Variants in LGR4 observed in about 807,000 individuals in gnomAD.
LGR4 encodes leucine-rich repeat-containing G protein-coupled receptor 4.
Under a neutral mutation model 84.8 loss-of-function variants are expected in LGR4, and 44 were observed. The ratio of observed to expected loss-of-function variants is 0.52; its 90% confidence interval spans 0.41 to 0.67. The LOEUF is 0.67. Among genes scored for constraint, LGR4 ranks in the 30% least tolerant of loss-of-function variants. The pLI is 0.00. For synonymous variants in LGR4, 429 were observed against 434.3 expected (o/e 0.99, Z 0.15); for missense variants, 1,032 against 1,131.4 (o/e 0.91, Z 1.26).
At chr11:27,425,309 G>A (rs1864001931) in intron 1 of LGR4, among the ~76,000 whole-genome samples, 1 of 151,004 alleles carries the variant, frequency 6.6e-6, no homozygotes, top group Non-Finnish European at 1.5e-5. Flanking sequence ...GCAGTTTATA[G>A]TTATTGTCTC....
chr11:27,390,174 TTA>T (rs140771320), intron 4 of LGR4, among the ~76,000 whole-genome samples: 2,725 of 152,256 alleles, frequency 0.018, 87 homozygotes, highest in African/African-American at 0.063. Context: ...AAAAATGGCT[TTA>T]TGTTAGCAAA....
intron 16 of LGR4, among the ~76,000 whole-genome samples, chr11:27,372,012 A>G (rs1001651311): frequency 6.6e-6 from 1 of 152,154 alleles, no homozygotes; most frequent in Admixed American, 6.5e-5. Context: ...ATACAGGCAC[A>G]TGCCACTACA....
chr11:27,389,968 T>C (rs1177984769), intron 4 of LGR4, among the ~76,000 whole-genome samples: 3 of 152,168 alleles, frequency 2.0e-5, no homozygotes, highest in Admixed American at 1.3e-4. Context: ...AAATTAAACT[T>C]TCATTTCAAC....
chr11:27,464,691 C>A (rs983895944), intron 1 of LGR4, among the ~76,000 whole-genome samples: 2 of 152,054 alleles, frequency 1.3e-5, no homozygotes, highest in South Asian at 2.1e-4. Flanking sequence ...TATCTCCCTG[C>A]CAAATTTATG....
intron 1 of LGR4, among the ~76,000 whole-genome samples, chr11:27,442,585 C>T (rs535272143): frequency 2.0e-5 from 3 of 152,256 alleles, no homozygotes; most frequent in Non-Finnish European, 2.9e-5. Context: ...TTGTCAACAA[C>T]AACGACAACA....
chr11:27,396,403 C>T (rs570927534), intron 2 of LGR4, among the ~76,000 whole-genome samples: 26 of 152,306 alleles, frequency 1.7e-4, no homozygotes, highest in African/African-American at 4.3e-4. Context: ...GCCATCCTTC[C>T]CATAGCCAAA....
chr11:27,425,558 A>G (rs1387841585), intron 1 of LGR4, among the ~76,000 whole-genome samples: 1 of 151,946 alleles, frequency 6.6e-6, no homozygotes, highest in Non-Finnish European at 1.5e-5. Flanking sequence ...TCTTGGCCTC[A>G]GCGAAGATCC....
intron 1 of LGR4, among the ~76,000 whole-genome samples, chr11:27,469,219 G>A (rs939684837): frequency 2.0e-5 from 3 of 152,170 alleles, no homozygotes; most frequent in East Asian, 1.9e-4. Context: ...CACATCTGAC[G>A]CTGTCCCCAG....
chr11:27,380,672 T>G lies in LGR4; in HGVS notation c.870A>C (p.Ser290=), dbSNP rs757173467. 1 of 1,603,690 alleles carries G rather than the reference T, an allele frequency of 6.2e-7. No homozygotes were observed. Among genetic ancestry groups the G allele is most frequent in the Non-Finnish European group, 8.5e-7 (1 of 1,172,082 alleles). ...GAAGATCAGATAAATTGTGAAATGC[T>G]GAGTTCCCCACAAAAGACAGAGGAT... is the stretch of plus-strand genomic sequence containing the variant. ...YDNPLSFVGN[S]AFHNLSDLHS... The change falls in exon 9 of 18, where the codon TCA becomes TCC. Residue 290 remains serine, a synonymous_variant. Transcript: ENST00000379214.
chr11:27,453,769 G>C (rs1388962329), intron 1 of LGR4, among the ~76,000 whole-genome samples: 1 of 152,152 alleles, frequency 6.6e-6, no homozygotes, highest in Non-Finnish European at 1.5e-5. Flanking sequence ...TTTTAAAGTT[G>C]AAAGAGTACT....
chr11:27,420,787 C>G (rs922697311), intron 1 of LGR4, among the ~76,000 whole-genome samples: 1 of 151,922 alleles, frequency 6.6e-6, no homozygotes, highest in South Asian at 2.1e-4. Flanking sequence ...GTGGAGGGCG[C>G]CTTCTTGTCA....
intron 1 of LGR4, among the ~76,000 whole-genome samples, chr11:27,420,195 C>G (rs1287608762): frequency 6.6e-6 from 1 of 152,112 alleles, no homozygotes; most frequent in Non-Finnish European, 1.5e-5. Context: ...AGCCATTCTC[C>G]AAGTCCTACT....
At chr11:27,416,742 C>T (rs1863827405) in intron 1 of LGR4, among the ~76,000 whole-genome samples, 1 of 152,100 alleles carries the variant, frequency 6.6e-6, no homozygotes, top group South Asian at 2.1e-4. Context: ...ACATCACCTT[C>T]CTAGAAAAAT....
At chr11:27,435,028 T>C (rs530698398) in intron 1 of LGR4, among the ~76,000 whole-genome samples, 1 of 152,282 alleles carries the variant, frequency 6.6e-6, no homozygotes, top group East Asian at 1.9e-4. Flanking sequence ...ATGACCTTCC[T>C]GACGAGCTAC....
intron 1 of LGR4, among the ~76,000 whole-genome samples, chr11:27,421,040 A>G (rs1863915722): frequency 2.0e-5 from 3 of 152,328 alleles, no homozygotes; most frequent in African/African-American, 7.2e-5. Flanking sequence ...TTATTCTAAA[A>G]GTGTGGAAAG....
At position 27,367,858 on chromosome 11, in the gene LGR4, C is replaced by A; in HGVS notation, c.*9G>T. ...GGTTGACGGGGGAAACGGTTACACA[C>A]ACAGTAGTTCAGTCTTTAACTCTTG... is the stretch of plus-strand genomic sequence containing the variant. On this transcript the variant is annotated 3_prime_UTR_variant, in exon 18 of 18. Transcript: ENST00000379214. 6.4e-7 allele frequency: 1 copy of A among 1,562,918 alleles called. No individual in the cohort carries two copies. Among genetic ancestry groups the A allele is most frequent in the Non-Finnish European group, 8.6e-7 (1 of 1,159,664 alleles).
intron 1 of LGR4, among the ~76,000 whole-genome samples, chr11:27,433,883 T>C (rs1366882440): frequency 6.6e-6 from 1 of 152,296 alleles, no homozygotes; most frequent in East Asian, 1.9e-4. Context: ...GTCCCTTAAC[T>C]CTTCTGAGCT....
intron 4 of LGR4, among the ~76,000 whole-genome samples, chr11:27,386,775 T>C (rs561303804): frequency 6.6e-6 from 1 of 152,194 alleles, no homozygotes; most frequent in Non-Finnish European, 1.5e-5. Flanking sequence ...TTCTTTCTAA[T>C]AGAGTCAAGA....
intron 4 of LGR4, among the ~76,000 whole-genome samples, chr11:27,386,374 G>A (rs1044942047): frequency 3.3e-5 from 5 of 152,162 alleles, no homozygotes; most frequent in Admixed American, 1.3e-4. Flanking sequence ...GGGACACTAC[G>A]TGCCAGGCAA....
Sources: gnomAD v4.1 joint callset for allele counts (sites outside exome capture counted in the v4.1 genomes callset) on GRCh38, gnomAD v4.1.1 for gene constraint, MANE v1.5 for transcripts, NCBI Gene and HGNC (gene_info 2026-07-23, HGNC 2026-07-21) for gene names.